PLPP4: variants seen among roughly 807,000 people sequenced by gnomAD.
The protein encoded by PLPP4 is phospholipid phosphatase 4.
A neutral mutation model predicts 32.2 loss-of-function variants in PLPP4; 20 were observed. The observed-to-expected ratio is 0.62, with a 90% confidence interval of 0.44 to 0.90. The LOEUF is 0.90. PLPP4 is among the 40% of genes least tolerant of loss of function. PLPP4 has a pLI of 0.00. For synonymous variants in PLPP4, 127 were observed against 133.0 expected, an observed-to-expected ratio of 0.95 and a Z score of 0.31; for missense variants, 257 against 353.1, an observed-to-expected ratio of 0.73 and a Z score of 2.18.
chr10:120,569,099 C>T (rs112176400), intron 5 of PLPP4, among the ~76,000 whole-genome samples: 7,319 of 152,040 alleles, frequency 0.048, 217 homozygotes, highest in Admixed American at 0.096. Flanking sequence ...ACTAGCTGGG[C>T]GTGGTGATGG....
Position 120,488,559 on chromosome 10 carries a change from G to C in PLPP4, c.57-15259G>C, listed in dbSNP as rs529565880. 2.0e-5 allele frequency among the ~76,000 whole-genome samples: 3 copies of C among 152,340 alleles called. No homozygotes were observed. In the East Asian group the frequency reaches 5.8e-4, roughly 29 times the overall value. Reference sequence around the variant, plus strand: ...GGATGGATTTCCATTTTACCAACAAGGAAGTAGCAACATTGAAGGGCAAGA... The same window carrying C: ...GGATGGATTTCCATTTTACCAACAACGAAGTAGCAACATTGAAGGGCAAGA... On this transcript the variant is annotated intron_variant, in intron 1 of 6. Coordinates refer to ENST00000398250, the MANE Select transcript of PLPP4 (RefSeq NM_001030059.3).
At chr10:120,485,749 A>C (rs1377153164) in intron 1 of PLPP4, among the ~76,000 whole-genome samples, 1 of 152,260 alleles carries the variant, frequency 6.6e-6, no homozygotes, top group Non-Finnish European at 1.5e-5. Context: ...CAAGAAAAGC[A>C]AAAAGAATAC....
intron 6 of PLPP4, among the ~76,000 whole-genome samples, chr10:120,576,469 C>T (rs1375074958): frequency 6.6e-6 from 1 of 152,218 alleles, no homozygotes; most frequent in African/African-American, 2.4e-5. Context: ...CTGAGAGCCC[C>T]TCCTTCCTCA....
intron 5 of PLPP4, among the ~76,000 whole-genome samples, chr10:120,560,274 G>C (rs562844314): frequency 6.7e-6 from 1 of 149,396 alleles, no homozygotes; most frequent in Non-Finnish European, 1.5e-5. Flanking sequence ...GTTGAGGTCT[G>C]TAACTGTGGT....
intron 5 of PLPP4, among the ~76,000 whole-genome samples, chr10:120,568,022 T>C (rs979813123): frequency 3.9e-5 from 6 of 152,238 alleles, no homozygotes; most frequent in African/African-American, 1.4e-4. Flanking sequence ...CACCTCATCA[T>C]TGATACAATC....
intron 2 of PLPP4, among the ~76,000 whole-genome samples, chr10:120,511,967 G>A (rs7077054): frequency 0.44 from 66,433 of 151,612 alleles, 14,823 homozygotes; most frequent in South Asian, 0.59. Flanking sequence ...GGTGGCGGGC[G>A]CCTGTAGTCC....
At chr10:120,476,162 A>G (rs1425868287) in intron 1 of PLPP4, among the ~76,000 whole-genome samples, 1 of 152,216 alleles carries the variant, frequency 6.6e-6, no homozygotes, top group Non-Finnish European at 1.5e-5. Context: ...GCTAAGAGCA[A>G]AAAGGGAGTG....
intron 5 of PLPP4, among the ~76,000 whole-genome samples, chr10:120,550,614 C>A (rs79486209): frequency 6.6e-6 from 1 of 150,964 alleles, no homozygotes; most frequent in Non-Finnish European, 1.5e-5. Flanking sequence ...AAGAAATTGA[C>A]CCACACCTTT....
At chr10:120,535,504 T>G (rs1428715845) in intron 5 of PLPP4, among the ~76,000 whole-genome samples, 1 of 152,114 alleles carries the variant, frequency 6.6e-6, no homozygotes, top group Non-Finnish European at 1.5e-5. Context: ...TCCTTGTTTT[T>G]TGTGTGTGTG....
chr10:120,531,979 G>GT (rs1478746895), intron 5 of PLPP4, among the ~76,000 whole-genome samples: 3 of 151,764 alleles, frequency 2.0e-5, no homozygotes, highest in African/African-American at 7.3e-5. Flanking sequence ...TGTTACATAG[G>GT]TATACATGTG....
At chr10:120,566,340 C>T (rs1848689223) in intron 5 of PLPP4, among the ~76,000 whole-genome samples, 1 of 152,098 alleles carries the variant, frequency 6.6e-6, no homozygotes, top group African/African-American at 2.4e-5. Flanking sequence ...AATTGCCTGA[C>T]AGCACTAACT....
intron 3 of PLPP4, among the ~76,000 whole-genome samples, chr10:120,515,239 G>A (rs1432106489): frequency 1.3e-5 from 2 of 152,168 alleles, no homozygotes; most frequent in Admixed American, 6.5e-5. Context: ...CACCTCACAG[G>A]GACTGGAATG....
At chr10:120,534,654 T>C (rs887048554) in intron 5 of PLPP4, among the ~76,000 whole-genome samples, 2 of 152,152 alleles carry the variant, frequency 1.3e-5, no homozygotes, top group Non-Finnish European at 2.9e-5. Context: ...CTTCTGTTTA[T>C]TGGATTGGAA....
intron 1 of PLPP4, among the ~76,000 whole-genome samples, chr10:120,483,632 T>A (rs1350497914): frequency 6.6e-6 from 1 of 152,200 alleles, no homozygotes; most frequent in African/African-American, 2.4e-5. Flanking sequence ...TGATCACCGA[T>A]GTTGGAGGCA....
intron 1 of PLPP4, among the ~76,000 whole-genome samples, chr10:120,473,207 G>A (rs1168545938): frequency 1.3e-5 from 2 of 152,126 alleles, no homozygotes; most frequent in Non-Finnish European, 2.9e-5. Flanking sequence ...TTTTCCCTAA[G>A]AGTATTGAAT....
At chr10:120,551,841 T>C (rs557453167) in intron 5 of PLPP4, among the ~76,000 whole-genome samples, 277 of 152,330 alleles carry the variant, frequency 1.8e-3, no homozygotes, top group Non-Finnish European at 3.1e-3. Context: ...CTTTTAATGC[T>C]CTTTGCATAA....
intron 1 of PLPP4, among the ~76,000 whole-genome samples, chr10:120,463,577 C>T (rs897393600): frequency 6.6e-6 from 1 of 152,184 alleles, no homozygotes; most frequent in Non-Finnish European, 1.5e-5. Flanking sequence ...AACTTCTCGC[C>T]ACCCTTGTTA....
At chr10:120,586,363 C>T (rs371941477) in intron 6 of PLPP4, among the ~76,000 whole-genome samples, 1 of 150,816 alleles carries the variant, frequency 6.6e-6, no homozygotes, top group African/African-American at 2.4e-5. Context: ...AGGCTGGTCT[C>T]AAACTCCTGA....
At chr10:120,561,856 T>A (rs752502042) in intron 5 of PLPP4, among the ~76,000 whole-genome samples, 25 of 152,226 alleles carry the variant, frequency 1.6e-4, no homozygotes, top group Non-Finnish European at 2.9e-4. Flanking sequence ...TGACCACACC[T>A]GATTTCAAGG....
Sources: allele counts gnomAD v4.1 joint callset (sites outside exome capture counted in the v4.1 genomes callset), GRCh38; gene constraint gnomAD v4.1.1; transcripts MANE v1.5; gene names NCBI Gene and HGNC (gene_info 2026-07-23, HGNC 2026-07-21).